Variants in DEPDC1 observed in about 807,000 individuals in gnomAD.
DEPDC1 encodes the protein DEP domain-containing protein 1A.
DEPDC1 carries 66 observed loss-of-function variants against 86.8 expected under a neutral mutation model. The observed-to-expected ratio is 0.76, with a 90% confidence interval of 0.62 to 0.93. The LOEUF is 0.93. DEPDC1 is among the 40% of genes least tolerant of loss of function. The pLI, the probability that DEPDC1 is intolerant of heterozygous loss-of-function variation, is 0.00. For synonymous variants in DEPDC1, 255 were observed against 314.9 expected (o/e 0.81, Z 2.02); for missense variants, 792 against 935.7 (o/e 0.85, Z 2.00).
intron 2 of DEPDC1, 117 bp downstream of exon 2, chr1:68,494,309 TAATA>T (rs941318334): frequency 6.9e-5 from 64 of 924,282 alleles, no homozygotes; most frequent in Middle Eastern, 3.4e-4. Context: ...CTAACAGCAT[TAATA>T]GTTTTCCAAA....
rs908372282 is a variant in DEPDC1 at position 68,489,461 on chromosome 1, A to G, written c.462T>C (p.His154=). ...TAAAAGGATGTGTTACCTGAGATAAATGTAATCCATGCCTTTTAGGAGTTC... is the reference window on the plus strand; with the variant it reads ...TAAAAGGATGTGTTACCTGAGATAAGTGTAATCCATGCCTTTTAGGAGTTC... ...SRRTPKRHGL[H]LSQENGEKIK... is the part of the protein sequence containing the mutation. The change falls in exon 3 of 12, where the codon CAT becomes CAC. Residue 154 remains histidine (H), a synonymous_variant. Transcript: ENST00000456315. 6.7e-7 allele frequency: 1 copy of G among 1,502,530 alleles called. No homozygotes were observed. The highest frequency in any genetic ancestry group is 8.8e-7 in the Non-Finnish European group (1 of 1,133,976). The allele number at this position is 1,502,530 out of a possible 1,614,324, so 93.1% of individuals were successfully genotyped here. A position where few individuals can be genotyped will look rare whatever the true frequency, so the allele number is the denominator to read the frequency against.
intron 1 of DEPDC1, 57 bp from the exon 2 acceptor site, chr1:68,494,752 G>A (rs909263389): frequency 2.9e-6 from 4 of 1,382,246 alleles, no homozygotes; most frequent in Non-Finnish European, 3.0e-6. Flanking sequence ...ATCTCATATT[G>A]ATTTGAAGTA....
chr1:68,478,524 T>C (rs1468082705), intron 10 of DEPDC1, among the ~76,000 whole-genome samples: 1 of 151,590 alleles, frequency 6.6e-6, no homozygotes, highest in Non-Finnish European at 1.5e-5. Flanking sequence ...TTCTAGGAGA[T>C]AGTTATAATT....
At chr1:68,479,360 G>A in intron 9 of DEPDC1, 40 bp from the exon 10 acceptor site, 2 of 1,449,906 alleles carry the variant, frequency 1.4e-6, no homozygotes, top group Non-Finnish European at 9.3e-7. Context: ...AAAAGCTAAG[G>A]TTGCATACAA....
At position 68,475,838 on chromosome 1, in the gene DEPDC1, AG is replaced by A. The variant is rs1400851658; in HGVS notation, c.*1093del. On this transcript the variant is annotated 3_prime_UTR_variant, in exon 12 of 12. Transcript: ENST00000456315. ...ATAAAAATGTTTATAAAAAGCATTT[AG>A]GCCATTGATTCTCACAGTTGGCTGA... 1 of 151,930 alleles carries A rather than the reference AG, an allele frequency of 6.6e-6. No homozygotes were observed. Among genetic ancestry groups the A allele is most frequent in the East Asian group, 1.9e-4 (1 of 5,194 alleles). 9.4% of individuals were successfully genotyped at this position (151,930 alleles called of 1,614,324 possible). A position where few individuals can be genotyped will look rare whatever the true frequency, so the allele number is the denominator to read the frequency against.
rs772168902 is a variant in DEPDC1, at chr1:68,487,941, TAC to T, written c.721+431_721+432del. On this transcript the variant is annotated intron_variant, in intron 5 of 11. Transcript: ENST00000456315. ...GTCTGAGCTTATTTTGTTGTGTTAT[TAC>T]AGTTTTGTATATATGTTTGACTCCT... Among the ~76,000 whole-genome samples, 5 of 151,888 alleles carry T rather than the reference TAC, an allele frequency of 3.3e-5. 1 individual carries two copies. The highest frequency in any genetic ancestry group is 4.8e-5 in the African/African-American group (2 of 41,412).
At position 68,476,995 on chromosome 1, in the gene DEPDC1, G is replaced by A. The variant is rs766651307; in HGVS notation, c.2373C>T (p.Asp791=). 1.9e-6 allele frequency: 3 copies of A among 1,606,918 alleles called. No individual in the cohort carries two copies. In the East Asian group the frequency reaches 6.7e-5, roughly 36 times the overall value. ...TTESEAALFG[D]KPTIKQPMLI... ...GCATTGGTTGCTTGATTGTAGGTTTGTCACCAAAAAGTGCTGCTTCACTCT... is the reference window on the plus strand; with the variant it reads ...GCATTGGTTGCTTGATTGTAGGTTTATCACCAAAAAGTGCTGCTTCACTCT... Residue 791 remains aspartate (D), a synonymous_variant, in exon 12 of 12, where the codon GAC becomes GAT. Transcript: ENST00000456315.
chr1:68,478,344 C>A (rs1646131186), intron 10 of DEPDC1, among the ~76,000 whole-genome samples: 1 of 151,824 alleles, frequency 6.6e-6, no homozygotes, highest in African/African-American at 2.4e-5. Context: ...AAATAACAAT[C>A]TAAGTGTTAT....
chr1:68,486,881 AACACACACACACACACAC>A (rs55915411), intron 6 of DEPDC1, 38 bp downstream of exon 6: 7 of 1,177,348 alleles, frequency 5.9e-6, no homozygotes, highest in Non-Finnish European at 7.8e-6. Flanking sequence ...CTATCAATAT[AACACACACACACACACAC>A]ACACACACAC....
chr1:68,486,520 C>CT (rs1015864444), intron 6 of DEPDC1, among the ~76,000 whole-genome samples: 1 of 150,878 alleles, frequency 6.6e-6, no homozygotes, highest in Non-Finnish European at 1.5e-5. Context: ...GACAGATAAT[C>CT]TTTTTTTTTC....
chr1:68,490,526 T>C (rs1055186535), intron 2 of DEPDC1, among the ~76,000 whole-genome samples: 16 of 152,190 alleles, frequency 1.1e-4, no homozygotes, highest in Non-Finnish European at 1.3e-4. Flanking sequence ...GGTTGACTCA[T>C]TGTCTTTGCT....
intron 2 of DEPDC1, among the ~76,000 whole-genome samples, chr1:68,490,874 A>C (rs1243950033): frequency 1.3e-5 from 2 of 152,194 alleles, no homozygotes; most frequent in African/African-American, 4.8e-5. Context: ...CCCAGAAATA[A>C]GGCCATGCAC....
At chr1:68,490,873 A>G (rs1358817953) in intron 2 of DEPDC1, among the ~76,000 whole-genome samples, 2 of 152,178 alleles carry the variant, frequency 1.3e-5, no homozygotes, top group Non-Finnish European at 2.9e-5. Flanking sequence ...GCCCAGAAAT[A>G]AGGCCATGCA....
chr1:68,489,371 G>A (rs964001689), intron 3 of DEPDC1, 81 bp downstream of exon 3: 2 of 1,026,548 alleles, frequency 1.9e-6, no homozygotes. Flanking sequence ...AAATATTAAA[G>A]AATAATTTAC....
rs1443303809 is a variant in DEPDC1, at chr1:68,482,592, A to G, written c.1216T>C (p.Leu406=). 6.2e-7 allele frequency: 1 copy of G among 1,612,868 alleles called. No individual in the cohort carries two copies. The highest frequency in any genetic ancestry group is 1.1e-5 in the South Asian group (1 of 91,054). The change falls in exon 8 of 12, where the codon TTA becomes CTA. Residue 406 remains leucine, a synonymous_variant. Coordinates refer to ENST00000456315, the MANE Select transcript of DEPDC1 (RefSeq NM_001114120.3). ...GAGGATAGATCATGCATATTACTTA[A>G]CCCTATTAAATTATGACAACTTCCT... is the stretch of plus-strand genomic sequence containing the variant. ...MGGSCHNLIG[L]SNMHDLSSNS...
chr1:68,494,803 T>G (rs1299499267), intron 1 of DEPDC1, 108 bp from the exon 2 acceptor site: 35 of 875,810 alleles, frequency 4.0e-5, no homozygotes, highest in Non-Finnish European at 5.6e-5. Flanking sequence ...TCTGATTATA[T>G]CATAAAAATT....
chr1:68,478,126 G>A (rs749229490), intron 10 of DEPDC1, among the ~76,000 whole-genome samples, 154 bp from the exon 11 acceptor site: 1 of 151,932 alleles, frequency 6.6e-6, no homozygotes, highest in Non-Finnish European at 1.5e-5. Context: ...AGGTATGTAA[G>A]TCAGTAGGTT....
intron 6 of DEPDC1, among the ~76,000 whole-genome samples, chr1:68,486,057 C>A (rs571838667): frequency 6.6e-6 from 1 of 152,182 alleles, no homozygotes; most frequent in African/African-American, 2.4e-5. Context: ...AATCAATTAT[C>A]ACTGATCACT....
At chr1:68,493,182 T>C (rs1646240754) in intron 2 of DEPDC1, among the ~76,000 whole-genome samples, 1 of 152,150 alleles carries the variant, frequency 6.6e-6, no homozygotes, top group African/African-American at 2.4e-5. Flanking sequence ...GAGGGAAGAT[T>C]TGTAGAGTGC....
Sources: allele counts gnomAD v4.1 joint callset (sites outside exome capture counted in the v4.1 genomes callset), GRCh38; gene constraint gnomAD v4.1.1; transcripts MANE v1.5; gene names NCBI Gene and HGNC (gene_info 2026-07-23, HGNC 2026-07-21).